SGCZ: variants seen among roughly 807,000 people sequenced by gnomAD.
The protein encoded by SGCZ is sarcoglycan zeta.
SGCZ carries 40 observed loss-of-function variants against 41.3 expected under a neutral mutation model. The ratio of observed to expected loss-of-function variants is 0.97; its 90% CI spans 0.75 to 1.26. The LOEUF is 1.26. Ranked by LOEUF, SGCZ falls within the 50% of genes most tolerant of loss-of-function variation. The pLI is 0.00. For synonymous variants in SGCZ, 206 were observed against 137.5 expected, an observed-to-expected ratio of 1.50 and a Z score of -3.49; for missense variants, 552 against 369.8, an observed-to-expected ratio of 1.49 and a Z score of -4.04.
intron 1 of SGCZ, among the ~76,000 whole-genome samples, chr8:14,907,526 G>A (rs1453426386): frequency 1.3e-5 from 2 of 152,016 alleles, no homozygotes. Flanking sequence ...AACTATTGGA[G>A]GAGCTAAATG....
At chr8:15,073,842 C>G (rs1239056826) in intron 1 of SGCZ, among the ~76,000 whole-genome samples, 1 of 152,138 alleles carries the variant, frequency 6.6e-6, no homozygotes. Flanking sequence ...GAAAAAGATG[C>G]CTAGCATAAC....
At chr8:15,048,933 G>T (rs1010545949) in intron 1 of SGCZ, among the ~76,000 whole-genome samples, 2 of 151,964 alleles carry the variant, frequency 1.3e-5, no homozygotes, top group Non-Finnish European at 2.9e-5. Flanking sequence ...AATAATTTTT[G>T]CTATCCCAAA....
chr8:14,554,985 AT>A (rs1169974635), intron 1 of SGCZ, 59 bp from the exon 2 acceptor site: 17 of 1,455,376 alleles, frequency 1.2e-5, no homozygotes, highest in Admixed American at 2.3e-5. Flanking sequence ...ATTAAAAAAA[AT>A]AAACCCATGA....
chr8:14,994,515 C>T (rs1292645334), intron 1 of SGCZ, among the ~76,000 whole-genome samples: 3 of 151,436 alleles, frequency 2.0e-5, no homozygotes, highest in Admixed American at 1.3e-4. Flanking sequence ...ACCCAGGAGG[C>T]GGCGGTTGCA....
chr8:15,149,581 G>A (rs1799122647), intron 1 of SGCZ, among the ~76,000 whole-genome samples: 1 of 152,050 alleles, frequency 6.6e-6, no homozygotes, highest in Non-Finnish European at 1.5e-5. Context: ...TTCAATGCAA[G>A]TTAAAACAAC....
intron 2 of SGCZ, among the ~76,000 whole-genome samples, chr8:14,493,411 G>A (rs1801903930): frequency 1.3e-5 from 1 of 79,952 alleles, no homozygotes; most frequent in South Asian, 4.3e-4. Context: ...TGTGTTGCCA[G>A]GCTGGAGTAC....
intron 1 of SGCZ, among the ~76,000 whole-genome samples, chr8:14,837,987 C>T (rs1739039900): frequency 6.6e-6 from 1 of 151,914 alleles, no homozygotes; most frequent in African/African-American, 2.4e-5. Context: ...TAGATATACA[C>T]AATGTAATAT....
intron 2 of SGCZ, among the ~76,000 whole-genome samples, chr8:14,466,474 G>C (rs1262460648): frequency 6.6e-6 from 1 of 151,766 alleles, no homozygotes; most frequent in Admixed American, 6.6e-5. Context: ...ATTATACTTG[G>C]AGCCACTGAG....
intron 1 of SGCZ, among the ~76,000 whole-genome samples, chr8:14,618,008 T>C (rs935273213): frequency 1.1e-4 from 17 of 151,822 alleles, no homozygotes; most frequent in African/African-American, 4.1e-4. Flanking sequence ...CCTCTTTGAG[T>C]TTCCATTTTT....
intron 1 of SGCZ, among the ~76,000 whole-genome samples, chr8:14,646,728 A>T (rs1807234331): frequency 6.6e-6 from 1 of 151,988 alleles, no homozygotes; most frequent in Non-Finnish European, 1.5e-5. Flanking sequence ...GAAATATTAA[A>T]AAAATGACAT....
chr8:14,307,159 A>G (rs1358675763), intron 3 of SGCZ, among the ~76,000 whole-genome samples: 1 of 152,176 alleles, frequency 6.6e-6, no homozygotes, highest in Non-Finnish European at 1.5e-5. Flanking sequence ...AAAGTAATGA[A>G]TATCAGACAC....
intron 1 of SGCZ, among the ~76,000 whole-genome samples, chr8:14,817,995 T>A (rs1202918717): frequency 5.3e-5 from 8 of 152,100 alleles, no homozygotes; most frequent in Non-Finnish European, 8.8e-5. Context: ...TGCAGGTACA[T>A]TTACTTATCC....
chr8:14,997,226 C>T (rs183751028), intron 1 of SGCZ, among the ~76,000 whole-genome samples: 5 of 152,150 alleles, frequency 3.3e-5, no homozygotes, highest in Admixed American at 6.5e-5. Context: ...TAATAGTATT[C>T]GATTCTAGGT....
chr8:14,592,942 A>T (rs1363065114), intron 1 of SGCZ, among the ~76,000 whole-genome samples: 1 of 152,192 alleles, frequency 6.6e-6, no homozygotes, highest in African/African-American at 2.4e-5. Context: ...TATTTCAGAC[A>T]TCAGTTTCTC....
intron 1 of SGCZ, among the ~76,000 whole-genome samples, chr8:15,211,926 G>T (rs914871960): frequency 6.6e-6 from 1 of 152,076 alleles, no homozygotes; most frequent in East Asian, 1.9e-4. Flanking sequence ...CTAGTTACAT[G>T]AGAATTCAAA....
At chr8:14,413,900 G>C (rs949889186) in intron 2 of SGCZ, among the ~76,000 whole-genome samples, 3 of 151,928 alleles carry the variant, frequency 2.0e-5, no homozygotes, top group African/African-American at 7.2e-5. Context: ...AACTCTGTAA[G>C]TTTACAATAA....
chr8:14,318,427 A>T (rs1298613638), intron 3 of SGCZ, among the ~76,000 whole-genome samples: 2 of 152,008 alleles, frequency 1.3e-5, no homozygotes, highest in African/African-American at 4.8e-5. Context: ...CAGAAGTCAA[A>T]AAAAAGATTA....
chr8:14,277,024 A>G (rs1800259571), intron 3 of SGCZ, among the ~76,000 whole-genome samples: 1 of 152,128 alleles, frequency 6.6e-6, no homozygotes, highest in South Asian at 2.1e-4. Flanking sequence ...TTTCATTTTC[A>G]ATAAATCTCT....
At chr8:14,490,419 G>T (rs1397338826) in intron 2 of SGCZ, among the ~76,000 whole-genome samples, 1 of 152,002 alleles carries the variant, frequency 6.6e-6, no homozygotes, top group Non-Finnish European at 1.5e-5. Flanking sequence ...TTTCTGCCTA[G>T]GAAATACCAA....
Sources: allele counts gnomAD v4.1 joint callset (sites outside exome capture counted in the v4.1 genomes callset), GRCh38; gene constraint gnomAD v4.1.1; transcripts MANE v1.5; gene names NCBI Gene and HGNC (gene_info 2026-07-23, HGNC 2026-07-21).